FAM98A: variants seen among roughly 807,000 people sequenced by gnomAD.
FAM98A encodes the protein tRNA splicing ligase complex subunit 3A, also known as protein FAM98A.
Under a neutral mutation model 62.9 loss-of-function variants are expected in FAM98A, and 25 were observed. The observed-to-expected ratio is 0.40, with a 90% CI of 0.29 to 0.56. FAM98A has a LOEUF of 0.56. Ranked by LOEUF, FAM98A falls within the 20% of genes least tolerant of loss-of-function variation. The probability of loss-of-function intolerance (pLI) is 0.51; values close to 1 mark genes in which losing one functional copy is unlikely to be tolerated. For synonymous variants in FAM98A, 252 were observed against 228.6 expected (o/e 1.10, Z -0.92); for missense variants, 653 against 640.7 (o/e 1.02, Z -0.21).
intron 1 of FAM98A, among the ~76,000 whole-genome samples, chr2:33,597,612 TG>T (rs1677842816): frequency 6.6e-6 from 1 of 151,946 alleles, no homozygotes; most frequent in Non-Finnish European, 1.5e-5. Context: ...AAGACAATAA[TG>T]GGAAGAAACA....
At position 33,584,841 on chromosome 2, in the gene FAM98A, A is replaced by C. The variant is rs1677497401; in HGVS notation, c.1492T>G (p.Phe498Val). ...YHQGGQFEQH[F>V]QHGGYQYNHS... is the part of the protein sequence containing the mutation. ...TTATACTGATAACCTCCATGCTGGA[A>C]ATGCTGTTCAAATTGACCCCCTTGG... The change falls in exon 8 of 8, where the codon TTC (phenylalanine) becomes GTC (valine). Residue 498 changes from phenylalanine (F) to valine (V), a missense_variant. Coordinates refer to ENST00000238823, the MANE Select transcript of FAM98A (RefSeq NM_015475.5). The C allele has an allele frequency of 1.2e-6, 2 of 1,614,088 alleles. No individual in the cohort carries two copies. Among genetic ancestry groups the C allele is most frequent in the Non-Finnish European group, 1.7e-6 (2 of 1,179,986 alleles).
chr2:33,593,174 C>T (rs1010136091), intron 2 of FAM98A, among the ~76,000 whole-genome samples: 2 of 152,212 alleles, frequency 1.3e-5, no homozygotes, highest in Non-Finnish European at 2.9e-5. Flanking sequence ...AAGGCCGAGA[C>T]GAGTGGATGG....
Position 33,595,599 on chromosome 2 carries a change from T to C in FAM98A, c.92A>G (p.Gln31Arg), listed in dbSNP as rs1157729598. ...GGAACTGGCTCCAGCAGAGACTGCCTGAGAGAGCGCTCCATCTTCCAACAA... is the reference window on the plus strand; with the variant it reads ...GGAACTGGCTCCAGCAGAGACTGCCCGAGAGAGCGCTCCATCTTCCAACAA... ...GPLLEDGALS[Q>R]AVSAGASSPE... is the part of the protein sequence containing the mutation. Residue 31 changes from glutamine (Q) to arginine (R), a missense_variant, in exon 2 of 8, where the codon CAG (glutamine) becomes CGG (arginine). Physicochemically the swap from Gln to Arg is conservative, Grantham distance 43. Transcript: ENST00000238823. 27 of 1,596,618 alleles carry C rather than the reference T, an allele frequency of 1.7e-5. No individual in the cohort carries two copies. The highest frequency in any genetic ancestry group is 2.2e-5 in the Non-Finnish European group (26 of 1,174,744).
At chr2:33,598,551 C>A (rs1677870224) in intron 1 of FAM98A, among the ~76,000 whole-genome samples, 1 of 152,202 alleles carries the variant, frequency 6.6e-6, no homozygotes, top group Non-Finnish European at 1.5e-5. Context: ...TCTAATGGGG[C>A]TCAACGAGGC....
chr2:33,584,567 G>C lies in FAM98A; in HGVS notation c.*209C>G, dbSNP rs1186906338. On this transcript the variant is annotated 3_prime_UTR_variant, in exon 8 of 8. Transcript: ENST00000238823. ...TAAAAAATTTTTCATAGAAAGGAGA[G>C]ATGTTATGTGTTTCTCAAATAAACG... The C allele has an allele frequency of 8.0e-6, 4 of 499,634 alleles. No individual in the cohort carries two copies. The highest frequency in any genetic ancestry group is 7.6e-5 in the African/African-American group (4 of 52,448). The allele number at this position is 499,634 out of a possible 1,614,324, so 31.0% of individuals were successfully genotyped here.
chr2:33,592,769 G>C (rs1160891789), intron 2 of FAM98A, among the ~76,000 whole-genome samples: 1 of 151,916 alleles, frequency 6.6e-6, no homozygotes, highest in East Asian at 1.9e-4. Context: ...ATTTTTTTCT[G>C]TCTGCTTTTA....
rs773558113 is a variant in FAM98A at position 33,585,658 on chromosome 2, G to A, written c.760C>T (p.Arg254Cys). ...EKLAKVYQPK[R>C]SVLSPKTTIS... ...GTAGTTTTAGGGGATAAGACTGAAC[G>A]TTTCGGCTGGTAAACCTTGGCTAAT... The change falls in exon 7 of 8, where the codon CGT (arginine) becomes TGT (cysteine). Residue 254 changes from arginine to cysteine, a missense_variant. Physicochemically the swap from Arg to Cys is radical, Grantham distance 180. Transcript: ENST00000238823. The A allele has an allele frequency of 7.4e-6, 12 of 1,613,848 alleles. No homozygotes were observed. Among genetic ancestry groups the A allele is most frequent in the Admixed American group, 3.3e-5 (2 of 59,984 alleles).
chr2:33,593,908 T>C (rs1297576862), intron 2 of FAM98A, among the ~76,000 whole-genome samples: 1 of 152,178 alleles, frequency 6.6e-6, no homozygotes, highest in African/African-American at 2.4e-5. Flanking sequence ...TATCATCTAG[T>C]ACTGGTGTTT....
chr2:33,590,695 T>C (rs533295301), intron 3 of FAM98A, among the ~76,000 whole-genome samples: 2 of 152,314 alleles, frequency 1.3e-5, no homozygotes, highest in East Asian at 1.9e-4. Flanking sequence ...TTTGAGGTGA[T>C]GATAGCAGAT....
Position 33,584,542 on chromosome 2 carries a change from T to A in FAM98A, c.*234A>T, listed in dbSNP as rs867918283. 16 of 460,216 alleles carry A rather than the reference T, an allele frequency of 3.5e-5. No homozygotes were observed. The highest frequency in any genetic ancestry group is 5.9e-5 in the African/African-American group (3 of 51,264). The allele number at this position is 460,216 out of a possible 1,614,324, so 28.5% of individuals were successfully genotyped here. On this transcript the variant is annotated 3_prime_UTR_variant, in exon 8 of 8. Transcript: ENST00000238823. ...ATTAAAGGCAATTTTAACCACCTTT[T>A]AAAAAATTTTTCATAGAAAGGAGAG...
chr2:33,587,869 C>G (rs775626734), intron 4 of FAM98A, among the ~76,000 whole-genome samples: 21 of 150,134 alleles, frequency 1.4e-4, no homozygotes, highest in Non-Finnish European at 2.4e-4. Flanking sequence ...ATTATGTTAG[C>G]AGTCAACAAA....
In FAM98A at chr2:33,592,061, C is replaced by T. The variant is rs759653803; in HGVS notation, c.337+19G>A. 2.5e-4 allele frequency: 397 copies of T among 1,605,516 alleles called. No individual in the cohort carries two copies. Among genetic ancestry groups the T allele is most frequent in the Non-Finnish European group, 3.1e-4 (369 of 1,174,404 alleles). ...ATAAACAGAAAGTAATAGCTATATT[C>T]TAGTAGCCATGAACTTACTGAGCAA... On this transcript the variant is annotated intron_variant, in intron 3 of 7. Coordinates refer to ENST00000238823, the MANE Select transcript of FAM98A (RefSeq NM_015475.5).
intron 2 of FAM98A, among the ~76,000 whole-genome samples, 189 bp downstream of exon 2, chr2:33,595,300 C>A (rs1252477018): frequency 6.6e-6 from 1 of 152,098 alleles, no homozygotes; most frequent in Non-Finnish European, 1.5e-5. Context: ...AGTTACATGA[C>A]TTTATTCTGG....
At chr2:33,587,203 T>A (rs1677575166) in intron 5 of FAM98A, 37 bp downstream of exon 5, 1 of 1,281,862 alleles carries the variant, frequency 7.8e-7, no homozygotes, top group African/African-American at 1.5e-5. Context: ...AACTCTATAG[T>A]TCTTTACAAA....
In FAM98A at chr2:33,584,927, C is replaced by A. The variant is rs142925728; in HGVS notation, c.1406G>T (p.Gly469Val). Residue 469 changes from glycine (G) to valine (V), a missense_variant, in exon 8 of 8, where the codon GGC (glycine) becomes GTC (valine). Coordinates refer to ENST00000238823, the MANE Select transcript of FAM98A (RefSeq NM_015475.5). Reference sequence around the variant, plus strand: ...TCCCTGGCCTGCACGACCACCTCGGCCTCCACGACCACCTCGCCCACCACG... The same window carrying A: ...TCCCTGGCCTGCACGACCACCTCGGACTCCACGACCACCTCGCCCACCACG... ...GGRGGRGGRG[G>V]RGGRAGQGGG... The A allele has an allele frequency of 5.5e-3, 8,912 of 1,610,226 alleles. 34 individuals are homozygous for A. Among genetic ancestry groups the A allele is most frequent in the Non-Finnish European group, 6.3e-3 (7,405 of 1,178,484 alleles).
chr2:33,596,929 AC>A (rs1036648431), intron 1 of FAM98A, among the ~76,000 whole-genome samples: 95 of 151,852 alleles, frequency 6.3e-4, no homozygotes, highest in Non-Finnish European at 8.2e-4. Context: ...AATGTTGAGA[AC>A]TACAGGTATG....
At chr2:33,598,154 T>A (rs980574301) in intron 1 of FAM98A, among the ~76,000 whole-genome samples, 3 of 152,202 alleles carry the variant, frequency 2.0e-5, no homozygotes, top group African/African-American at 7.2e-5. Flanking sequence ...ATTATTCAAA[T>A]AGGCAGACTT....
At position 33,584,514 on chromosome 2, in the gene FAM98A, G is replaced by T; in HGVS notation, c.*262C>A. On this transcript the variant is annotated 3_prime_UTR_variant, in exon 8 of 8. Coordinates refer to ENST00000238823, the MANE Select transcript of FAM98A (RefSeq NM_015475.5). ...TCTGACTGTGGAATTAGTCTACTGG[G>T]CAATTAAAGGCAATTTTAACCACCT... is the stretch of plus-strand genomic sequence containing the variant. 2 of 431,452 alleles carry T rather than the reference G, an allele frequency of 4.6e-6. No homozygotes were observed. Among genetic ancestry groups the T allele is most frequent in the Non-Finnish European group, 8.2e-6 (2 of 243,910 alleles). 26.7% of individuals were successfully genotyped at this position (431,452 alleles called of 1,614,324 possible).
Position 33,584,866 on chromosome 2 carries a change from G to C in FAM98A, c.1467C>G (p.His489Gln). The change falls in exon 8 of 8, where the codon CAC (histidine) becomes CAG (glutamine). Residue 489 changes from histidine to glutamine, a missense_variant. Physicochemically the swap from His to Gln is conservative, Grantham distance 24 (BLOSUM62 0). Transcript: ENST00000238823. ...AATGCTGTTCAAATTGACCCCCTTG[G>C]TGATAATTCTGGCTCCCTCTTCCTC... ...GWGGRGSQNY[H>Q]QGGQFEQHFQ... 6.8e-6 allele frequency: 11 copies of C among 1,614,062 alleles called. No individual in the cohort carries two copies. The highest frequency in any genetic ancestry group is 9.3e-6 in the Non-Finnish European group (11 of 1,180,022).
Sources: allele counts gnomAD v4.1 joint callset (sites outside exome capture counted in the v4.1 genomes callset), GRCh38; gene constraint gnomAD v4.1.1; transcripts MANE v1.5; gene names NCBI Gene and HGNC (gene_info 2026-07-23, HGNC 2026-07-21).